Variants in APBA2 observed in about 807,000 individuals in gnomAD.
The protein encoded by APBA2 is amyloid-beta A4 precursor protein-binding family A member 2.
APBA2 carries 30 observed loss-of-function variants against 75.0 expected under a neutral mutation model. The observed-to-expected ratio is 0.40, with a 90% CI of 0.30 to 0.54. The LOEUF (loss-of-function observed/expected upper bound fraction) is 0.54. APBA2 is among the 20% of genes least tolerant of loss of function. APBA2 has a pLI of 0.49. For missense variants in APBA2, 801 were observed against 1,016.1 expected, an observed-to-expected ratio of 0.79 and a Z score of 2.88; for synonymous variants, 444 against 409.6, an observed-to-expected ratio of 1.08 and a Z score of -1.01.
intron 4 of APBA2, among the ~76,000 whole-genome samples, chr15:29,072,952 G>A (rs1252546383): frequency 1.3e-5 from 2 of 152,076 alleles, no homozygotes; most frequent in Admixed American, 1.3e-4. Flanking sequence ...CTTCTCCCTC[G>A]CCATCCTTAA....
At chr15:29,022,563 C>T (rs769827190) in intron 3 of APBA2, among the ~76,000 whole-genome samples, 2 of 152,088 alleles carry the variant, frequency 1.3e-5, no homozygotes, top group Non-Finnish European at 2.9e-5. Flanking sequence ...CCCATTCCCC[C>T]CACCAGCTGA....
At chr15:29,086,116 C>G (rs2043281612) in intron 6 of APBA2, among the ~76,000 whole-genome samples, 1 of 152,200 alleles carries the variant, frequency 6.6e-6, no homozygotes, top group Non-Finnish European at 1.5e-5. Context: ...CTTACTTGTT[C>G]CCTCTGAAGG....
At chr15:29,063,019 A>G (rs1417441021) in intron 4 of APBA2, among the ~76,000 whole-genome samples, 1 of 15,374 alleles carries the variant, frequency 6.5e-5, no homozygotes. Context: ...ATGGGTGGGG[A>G]GGGGAGTTGA....
At position 28,991,599 on chromosome 15, in the gene APBA2, G is replaced by T. The variant is rs545619407; in HGVS notation, c.-94-4154G>T. Among the ~76,000 whole-genome samples the T allele has an allele frequency of 6.6e-6, 1 of 152,338 alleles. No individual in the cohort carries two copies. The highest frequency in any genetic ancestry group is 1.9e-4 in the East Asian group (1 of 5,172). On this transcript the variant is annotated intron_variant, in intron 2 of 14. Coordinates refer to ENST00000683413, the MANE Select transcript of APBA2 (RefSeq NM_001353788.2). This position sits in a 1 kb window ranked among gnomAD's most constrained non-coding sequence, Gnocchi z 4.7. The stretch of plus-strand genomic sequence containing the variant: ...TTCCCTCATGAGATGGCGCTGATCA[G>T]TCTGGGGGATACCTGCCTTTCAGTA...
At chr15:29,084,246 C>T (rs1325153694) in intron 6 of APBA2, among the ~76,000 whole-genome samples, 1 of 152,196 alleles carries the variant, frequency 6.6e-6, no homozygotes, top group Admixed American at 6.5e-5. Flanking sequence ...ATTTTTGCTG[C>T]TTCCTTTCTT....
chr15:29,016,085 T>C (rs1304566471), intron 3 of APBA2, among the ~76,000 whole-genome samples: 14 of 152,168 alleles, frequency 9.2e-5, no homozygotes, highest in East Asian at 1.9e-4. Flanking sequence ...GGTGAAACCC[T>C]GTCTCTACTA....
At chr15:28,996,058 C>A (rs750216998) in intron 3 of APBA2, among the ~76,000 whole-genome samples, 1 of 152,066 alleles carries the variant, frequency 6.6e-6, no homozygotes. Context: ...TGCCCACCAC[C>A]CAATGACAAC....
In APBA2 at chr15:29,074,921, G is replaced by T; in HGVS notation, c.952G>T (p.Val318Phe). ...CGATCTTTAACTTCCCCGTTTCCAG[G>T]TTTGCAATGGTCTGGAGCAGCCAAG... ...EERLKWPHEQ[V>F]CNGLEQPRKQ... Residue 318 changes from valine (V) to phenylalanine (F), a missense_variant and splice_region_variant, in exon 5 of 15, where the codon GTT becomes TTT. Around this residue, in one of 2 missense-constraint regions of APBA2, gnomAD observed 434 missense variants for 471.6 expected, o/e 0.92. Transcript: ENST00000683413. 1 of 1,614,038 alleles carries T rather than the reference G, an allele frequency of 6.2e-7. No homozygotes were observed. Among genetic ancestry groups the T allele is most frequent in the Non-Finnish European group, 8.5e-7 (1 of 1,179,936 alleles).
intron 2 of APBA2, among the ~76,000 whole-genome samples, chr15:28,972,467 T>C (rs1400724125): frequency 1.3e-5 from 2 of 152,196 alleles, no homozygotes; most frequent in African/African-American, 4.8e-5. Flanking sequence ...GACCAAGTTA[T>C]TTACAAAGGA....
chr15:29,009,637 G>A (rs2039301192), intron 3 of APBA2, among the ~76,000 whole-genome samples: 1 of 147,290 alleles, frequency 6.8e-6, no homozygotes, highest in Non-Finnish European at 1.5e-5. Flanking sequence ...TGTTATTTTT[G>A]CAAATGTTTG....
Position 28,892,395 on chromosome 15 carries a change from A to G in APBA2, c.-205+6117A>G, listed in dbSNP as rs867722296. ...TGGCCCATGTTTTATCTTTTATACC[A>G]TATTTTTACTGTGCCTTTTCTATGT... On this transcript the variant is annotated intron_variant, in intron 1 of 14. Transcript: ENST00000683413. Among the ~76,000 whole-genome samples, 8 of 152,210 alleles carry G rather than the reference A, an allele frequency of 5.3e-5. 1 individual carries two copies. The highest frequency in any genetic ancestry group is 6.8e-3 in the Middle Eastern group (2 of 294).
chr15:28,905,138 C>G (rs1356004751), intron 1 of APBA2, among the ~76,000 whole-genome samples: 1 of 152,190 alleles, frequency 6.6e-6, no homozygotes, highest in Non-Finnish European at 1.5e-5. Context: ...GAAGCTTGGC[C>G]TGGTGTCCCG....
At chr15:28,919,869 G>A (rs1206700205) in intron 1 of APBA2, among the ~76,000 whole-genome samples, 1 of 152,196 alleles carries the variant, frequency 6.6e-6, no homozygotes, top group Non-Finnish European at 1.5e-5. Context: ...ATGGGCTTGA[G>A]CATGGCTGTG....
At chr15:28,949,731 A>G (rs2035749377) in intron 2 of APBA2, among the ~76,000 whole-genome samples, 1 of 152,140 alleles carries the variant, frequency 6.6e-6, no homozygotes, top group Non-Finnish European at 1.5e-5. Flanking sequence ...CACCTCCCAA[A>G]GTGCTGGGAT....
At chr15:29,004,626 C>A (rs16954982) in intron 3 of APBA2, among the ~76,000 whole-genome samples, 4,121 of 152,208 alleles carry the variant, frequency 0.027, 70 homozygotes, top group African/African-American at 0.028. Flanking sequence ...ACTGGCATAA[C>A]GCACGGCTGC....
intron 3 of APBA2, among the ~76,000 whole-genome samples, chr15:29,032,281 T>C (rs906336385): frequency 1.3e-5 from 2 of 152,220 alleles, no homozygotes; most frequent in Non-Finnish European, 2.9e-5. Flanking sequence ...TTGGGTAAGA[T>C]GAACATAGTA....
chr15:28,908,315 G>GTTTTCTTTTTTTTTTTTTTTTTTTTTTTT (rs2033241348), intron 1 of APBA2, among the ~76,000 whole-genome samples: 1 of 137,596 alleles, frequency 7.3e-6, no homozygotes, highest in African/African-American at 3.0e-5. Flanking sequence ...TTGTTTTCTT[G>GTTTTCTTTTTTTTTTTTTTTTTTTTTTTT]TTTTTTTTTT....
chr15:29,061,216 G>A (rs937497991), intron 4 of APBA2, among the ~76,000 whole-genome samples: 8 of 152,172 alleles, frequency 5.3e-5, no homozygotes, highest in Non-Finnish European at 1.0e-4. Context: ...GATTGTTTTG[G>A]AGCCCCATCC....
chr15:28,984,446 G>A (rs2037789059), intron 2 of APBA2, among the ~76,000 whole-genome samples: 1 of 152,056 alleles, frequency 6.6e-6, no homozygotes, highest in African/African-American at 2.4e-5. Context: ...CCACTGGGTG[G>A]CTGATACTGC....
Sources: allele counts gnomAD v4.1 joint callset (sites outside exome capture counted in the v4.1 genomes callset), GRCh38; gene constraint gnomAD v4.1.1; regional missense constraint gnomAD v4.1.1; non-coding constraint Gnocchi (gnomAD v3.1); transcripts MANE v1.5; gene names NCBI Gene and HGNC (gene_info 2026-07-23, HGNC 2026-07-21).